PLEKHG1: variants seen among roughly 807,000 people sequenced by gnomAD.
PLEKHG1 encodes pleckstrin homology and RhoGEF domain containing G1.
A neutral mutation model predicts 100.8 loss-of-function variants in PLEKHG1; 44 were observed. The ratio of observed to expected loss-of-function variants is 0.44; its 90% CI spans 0.34 to 0.56. The LOEUF (loss-of-function observed/expected upper bound fraction) is 0.56, where lower values mean the gene tolerates loss of function less well. Ranked by LOEUF, PLEKHG1 falls within the 20% of genes least tolerant of loss-of-function variation. The pLI is 0.01. For missense variants in PLEKHG1, 1,545 were observed against 1,720.9 expected, an observed-to-expected ratio of 0.90 and a Z score of 1.81; for synonymous variants, 640 against 662.5, an observed-to-expected ratio of 0.97 and a Z score of 0.52.
chr6:150,708,892 C>A (rs184342469), intron 3 of PLEKHG1, among the ~76,000 whole-genome samples: 1 of 152,272 alleles, frequency 6.6e-6, no homozygotes, highest in Admixed American at 6.5e-5. Context: ...TGCAATTTTG[C>A]AGAAAGTGGA....
chr6:150,650,564 A>G (rs1454407247), intron 2 of PLEKHG1, among the ~76,000 whole-genome samples, 164 bp from the exon 2 acceptor site: 1 of 152,244 alleles, frequency 6.6e-6, no homozygotes, highest in Non-Finnish European at 1.5e-5. Flanking sequence ...ACAGTCCAGT[A>G]GCATGATATG....
chr6:150,812,796 G>T (rs747026979), intron 10 of PLEKHG1, among the ~76,000 whole-genome samples: 5 of 152,094 alleles, frequency 3.3e-5, no homozygotes, highest in Non-Finnish European at 7.4e-5. Context: ...AGGTGGGAAG[G>T]AAGAGGATGG....
chr6:150,759,032 G>T (rs1255416313), intron 2 of PLEKHG1, among the ~76,000 whole-genome samples: 1 of 152,234 alleles, frequency 6.6e-6, no homozygotes, highest in African/African-American at 2.4e-5. Flanking sequence ...GTTTGGGGAA[G>T]GAGTGTGTTT....
chr6:150,748,966 C>A (rs1783336854), intron 2 of PLEKHG1, among the ~76,000 whole-genome samples: 2 of 152,042 alleles, frequency 1.3e-5, no homozygotes, highest in Non-Finnish European at 2.9e-5. Context: ...GCAGTTTCTT[C>A]ATCTTAAAAT....
intron 3 of PLEKHG1, among the ~76,000 whole-genome samples, chr6:150,676,545 G>A (rs1470978791): frequency 1.3e-5 from 2 of 152,126 alleles, no homozygotes; most frequent in Non-Finnish European, 2.9e-5. Flanking sequence ...CTTTGAACCT[G>A]CTGTAGCTCT....
chr6:150,776,529 ATG>A (rs1355934793), intron 3 of PLEKHG1, among the ~76,000 whole-genome samples: 2 of 134,908 alleles, frequency 1.5e-5, no homozygotes, highest in Admixed American at 7.3e-5. Context: ...CCTGGTGCAC[ATG>A]TGTGGTTGCA....
chr6:150,824,143 C>A (rs188504753), intron 14 of PLEKHG1, among the ~76,000 whole-genome samples: 1 of 152,188 alleles, frequency 6.6e-6, no homozygotes, highest in Non-Finnish European at 1.5e-5. Flanking sequence ...GAGGTGATGG[C>A]GTATGATCGA....
chr6:150,703,743 A>G (rs1369933623), intron 3 of PLEKHG1, among the ~76,000 whole-genome samples: 1 of 152,188 alleles, frequency 6.6e-6, no homozygotes, highest in Non-Finnish European at 1.5e-5. Flanking sequence ...GTGTCACAGC[A>G]GTGTCTCTCT....
At chr6:150,724,922 A>G (rs1781886674) in intron 1 of PLEKHG1, among the ~76,000 whole-genome samples, 1 of 152,156 alleles carries the variant, frequency 6.6e-6, no homozygotes, top group South Asian at 2.1e-4. Flanking sequence ...TAGCTAAGGC[A>G]ATTTATCTAA....
intron 3 of PLEKHG1, among the ~76,000 whole-genome samples, chr6:150,692,042 C>G (rs1452420058): frequency 6.6e-6 from 1 of 152,160 alleles, no homozygotes; most frequent in Non-Finnish European, 1.5e-5. Flanking sequence ...TTTGAGGAAG[C>G]CTGGTTAGGC....
chr6:150,760,598 C>T (rs571046711), intron 2 of PLEKHG1, among the ~76,000 whole-genome samples: 1 of 149,598 alleles, frequency 6.7e-6, no homozygotes, highest in East Asian at 2.0e-4. Context: ...TATTTACATG[C>T]ATTCAACAGC....
In PLEKHG1 at chr6:150,693,170, C is replaced by G. The variant is rs373628052; in HGVS notation, c.-98-40414C>G. Reference sequence around the variant, plus strand: ...GGGTGTGGTGGTGCACACCTGTAGTCCCAGCTACTCGGGAGGCTGAGACAG... The same window carrying G: ...GGGTGTGGTGGTGCACACCTGTAGTGCCAGCTACTCGGGAGGCTGAGACAG... On this transcript the variant is annotated intron_variant, in intron 3 of 3. Coordinates refer to the PLEKHG1 transcript ENST00000367326. Among the ~76,000 whole-genome samples the G allele has an allele frequency of 2.3e-3, 353 of 152,238 alleles. 1 individual carries two copies. The highest frequency in any genetic ancestry group is 8.4e-3 in the African/African-American group (347 of 41,540).
intron 2 of PLEKHG1, among the ~76,000 whole-genome samples, chr6:150,739,603 G>A (rs1046651633): frequency 6.6e-6 from 1 of 152,044 alleles, no homozygotes; most frequent in Non-Finnish European, 1.5e-5. Context: ...AGGAGGCGGA[G>A]GTTGCAGTGA....
intron 1 of PLEKHG1, among the ~76,000 whole-genome samples, chr6:150,721,893 T>C (rs1238663496): frequency 1.3e-5 from 2 of 152,182 alleles, no homozygotes; most frequent in Non-Finnish European, 2.9e-5. Context: ...CTTAATCACA[T>C]ATTGAATATA....
rs528670154 is a variant in PLEKHG1, at chr6:150,640,320, G to C, written c.-158+2195G>C. 3.3e-5 allele frequency among the ~76,000 whole-genome samples: 5 copies of C among 152,284 alleles called. No homozygotes were observed. In the South Asian group the frequency reaches 1.0e-3, roughly 32 times the overall value. On this transcript the variant is annotated intron_variant, in intron 2 of 3. Transcript: ENST00000367326. ...CCCAACTTTTTCAGAAGATGATCTT[G>C]ACTTTTACTTCTCCGAGCAAATAGA...
At chr6:150,634,346 A>G (rs2128563513) in intron 1 of PLEKHG1, among the ~76,000 whole-genome samples, 1 of 152,238 alleles carries the variant, frequency 6.6e-6, no homozygotes. Context: ...AATGTAGTAA[A>G]ATATGTGGCC....
At chr6:150,725,123 G>A (rs542295899) in intron 1 of PLEKHG1, among the ~76,000 whole-genome samples, 9 of 152,256 alleles carry the variant, frequency 5.9e-5, no homozygotes, top group Non-Finnish European at 1.2e-4. Flanking sequence ...GGATCAAGGC[G>A]CCAACAGATT....
chr6:150,616,456 A>G (rs1777076504), intron 1 of PLEKHG1, among the ~76,000 whole-genome samples: 2 of 152,212 alleles, frequency 1.3e-5, no homozygotes, highest in Admixed American at 6.5e-5. Flanking sequence ...TGTACTGCTC[A>G]TGTGCCTTGC....
intron 2 of PLEKHG1, among the ~76,000 whole-genome samples, chr6:150,639,533 T>C (rs745731168): frequency 1.4e-4 from 22 of 152,142 alleles, no homozygotes; most frequent in Non-Finnish European, 2.5e-4. Flanking sequence ...CTTTAACAAA[T>C]CTGTTCCTAT....
Sources: gnomAD v4.1 joint callset for allele counts (sites outside exome capture counted in the v4.1 genomes callset) on GRCh38, gnomAD v4.1.1 for gene constraint, MANE v1.5 for transcripts, NCBI Gene and HGNC (gene_info 2026-07-23, HGNC 2026-07-21) for gene names.